SYNE2: variants seen among roughly 807,000 people sequenced by gnomAD.
The protein encoded by SYNE2 is nesprin-2.
SYNE2 carries 431 observed loss-of-function variants against 856.3 expected under a neutral mutation model. That is an observed-to-expected ratio of 0.50 (90% CI 0.47 to 0.55). SYNE2 has a LOEUF of 0.55. Ranked by LOEUF, SYNE2 falls within the 20% of genes least tolerant of loss-of-function variation. SYNE2 has a pLI of 0.00. For synonymous variants in SYNE2, 2,923 were observed against 2,872.3 expected, an observed-to-expected ratio of 1.02 and a Z score of -0.56; for missense variants, 8,129 against 8,023.2, an observed-to-expected ratio of 1.01 and a Z score of -0.50.
intron 88 of SYNE2, chr14:64,162,569 TA>T: frequency 2.3e-6 from 1 of 438,948 alleles, no homozygotes; most frequent in Non-Finnish European, 4.3e-6. Flanking sequence ...AAATCTGAAG[TA>T]AAAGCAAGTG....
In SYNE2 at chr14:64,090,310, TAAATG is replaced by T. The variant is rs1269850442; in HGVS notation, c.11794-549_11794-545del. On this transcript the variant is annotated intron_variant, in intron 59 of 115. Coordinates refer to ENST00000555002, the MANE Select transcript of SYNE2 (RefSeq NM_182914.3). ...TTACCTCTCGAGGGGTTGTGAGGAT[TAAATG>T]AAATGATATTATATGAGATATGACT... Among the ~76,000 whole-genome samples, 5 of 152,198 alleles carry T rather than the reference TAAATG, an allele frequency of 3.3e-5. No individual in the cohort carries two copies. In the East Asian group the frequency reaches 9.6e-4, roughly 29 times the overall value.
chr14:64,138,946 G>GGTGTGTGTGTGTGT (rs150016027), intron 79 of SYNE2, among the ~76,000 whole-genome samples: 39 of 137,786 alleles, frequency 2.8e-4, no homozygotes, highest in African/African-American at 8.1e-4. Context: ...GTGTATGTAT[G>GGTGTGTGTGTGTGT]GTGTGTGTGT....
In SYNE2 at chr14:63,941,695, C is replaced by T. The variant is rs794727659; in HGVS notation, c.142C>T (p.His48Tyr). The T allele has an allele frequency of 1.2e-6, 2 of 1,613,520 alleles. No homozygotes were observed. The highest frequency in any genetic ancestry group is 1.7e-6 in the Non-Finnish European group (2 of 1,179,480). Residue 48 changes from histidine (H) to tyrosine (Y), a missense_variant and splice_region_variant, in exon 4 of 116, where the codon CAC (histidine) becomes TAC (tyrosine). Physicochemically the swap from His to Tyr is moderately conservative, Grantham distance 83 (BLOSUM62 2). Coordinates refer to ENST00000555002, the MANE Select transcript of SYNE2 (RefSeq NM_182914.3). Reference protein sequence around the residue: ...TCWINSQLARHTSPSVISDLF... With the variant: ...TCWINSQLARYTSPSVISDLF... ...TTATTTTTCTTGTGACCTTCTGCAG[C>T]ACACTTCTCCCTCAGTTATATCCGA...
chr14:64,122,326 A>G lies in SYNE2; in HGVS notation c.13321A>G (p.Ile4441Val), dbSNP rs752657081. ...CCCTGAAAATGACGTTCCAGACTCG[A>G]TCTTGTCACCCCAGGGCCAAAATGG... ...SSPENDVPDSILSPQGQNGDK... is the reference protein window; with the variant it reads ...SSPENDVPDSVLSPQGQNGDK... The change falls in exon 70 of 116, where the codon ATC becomes GTC. Residue 4441 changes from isoleucine to valine, a missense_variant. Physicochemically the swap from Ile to Val is conservative, Grantham distance 29. Around this residue, in one of 3 missense-constraint regions of SYNE2, gnomAD observed 5,410 missense variants for 5,284.8 expected, o/e 1.02. Coordinates refer to ENST00000555002, the MANE Select transcript of SYNE2 (RefSeq NM_182914.3). 12 of 1,614,098 alleles carry G rather than the reference A, an allele frequency of 7.4e-6. No homozygotes were observed. The highest frequency in any genetic ancestry group is 1.3e-5 in the African/African-American group (1 of 74,934).
At chr14:63,848,032 G>A (rs1249048338), upstream of SYNE2, among the ~76,000 whole-genome samples, 20 of 151,974 alleles carry the variant, frequency 1.3e-4, no homozygotes, top group African/African-American at 3.4e-4. Flanking sequence ...GATTACAGGC[G>A]CTCACCACCA....
chr14:64,062,919 G>A (rs1417173545), intron 50 of SYNE2, 24 bp downstream of exon 50: 5 of 1,613,858 alleles, frequency 3.1e-6, no homozygotes, highest in Non-Finnish European at 3.4e-6. Context: ...CAATTAGCCA[G>A]TAAGTCTGTG....
chr14:64,110,588 A>ACTC (rs1292783339), intron 65 of SYNE2, among the ~76,000 whole-genome samples: 1 of 75,390 alleles, frequency 1.3e-5, no homozygotes, highest in Non-Finnish European at 2.4e-5. Flanking sequence ...TACTTTTTAC[A>ACTC]CCCCCCCCCC....
At chr14:64,167,081 C>G (rs1199585365) in intron 90 of SYNE2, 152 bp from the exon 91 acceptor site, 1 of 890,846 alleles carries the variant, frequency 1.1e-6, no homozygotes, top group East Asian at 2.6e-5. Context: ...AATTCAGGTC[C>G]CACTCTAACA....
At chr14:64,075,502 TG>T (rs1175927034) in intron 53 of SYNE2, 3 of 214,298 alleles carry the variant, frequency 1.4e-5, no homozygotes, top group African/African-American at 7.1e-5. Context: ...GCTCCAAGTG[TG>T]GGGCTTTTAG....
In SYNE2 at chr14:64,051,994, G is replaced by A. The variant is rs1190863557; in HGVS notation, c.8081G>A (p.Trp2694Ter). ...GCTGAACTTCAGATGAAGAGGATTT[G>A]GGGAGAAAAAGAAAAGAAGAATTTG... ...GQAELQMKRI[W>*]GEKEKKNLED... Residue 2694 changes from tryptophan to a stop codon, truncating the protein, a stop_gained, in exon 48 of 116, where the codon TGG (tryptophan) becomes TAG (stop). Coordinates refer to ENST00000555002, the MANE Select transcript of SYNE2 (RefSeq NM_182914.3). LOFTEE classifies it high-confidence loss of function. 1 of 1,613,734 alleles carries A rather than the reference G, an allele frequency of 6.2e-7. No individual in the cohort carries two copies. Among genetic ancestry groups the A allele is most frequent in the Non-Finnish European group, 8.5e-7 (1 of 1,179,974 alleles).
rs2097512796 is a variant in SYNE2, at chr14:64,080,614, G to A, written c.11322G>A (p.Glu3774=). The A allele has an allele frequency of 6.2e-7, 1 of 1,614,042 alleles. No individual in the cohort carries two copies. Among genetic ancestry groups the A allele is most frequent in the Non-Finnish European group, 8.5e-7 (1 of 1,180,030 alleles). ...ATCAGCAAGTATCACAGAGAGCAGA[G>A]TGTAGAACCTCACAGTTGAATAAGG... ...QQYQQVSQRA[E]CRTSQLNKAT... is the part of the protein sequence containing the mutation. The change falls in exon 56 of 116, where the codon GAG becomes GAA. Residue 3774 remains glutamate, a synonymous_variant. Transcript: ENST00000555002.
intron 63 of SYNE2, among the ~76,000 whole-genome samples, chr14:64,101,089 G>T (rs2097725207): frequency 6.6e-6 from 1 of 152,120 alleles, no homozygotes; most frequent in South Asian, 2.1e-4. Flanking sequence ...TATCTTGGTT[G>T]TTGTGAACAG....
intron 84 of SYNE2, among the ~76,000 whole-genome samples, chr14:64,149,970 C>T (rs1259386519): frequency 2.1e-5 from 3 of 142,810 alleles, no homozygotes; most frequent in Admixed American, 7.0e-5. Context: ...TGTGGTTGTT[C>T]GTGTGCTGCT....
At chr14:63,948,166 TACACACACACACACACACACACACACAC>T (rs59063086) in intron 6 of SYNE2, among the ~76,000 whole-genome samples, 1 of 147,252 alleles carries the variant, frequency 6.8e-6, no homozygotes. Flanking sequence ...GACACACACA[TACACACACACACACACACACACACACAC>T]ACACTCCTGC....
chr14:63,893,658 A>G (rs2095187332), intron 1 of SYNE2, among the ~76,000 whole-genome samples: 1 of 152,210 alleles, frequency 6.6e-6, no homozygotes, highest in Admixed American at 6.5e-5. Flanking sequence ...TAGCAACTAT[A>G]TGGCATACAC....
chr14:64,194,286 C>T, intron 99 of SYNE2, among the ~76,000 whole-genome samples: 1 of 96,160 alleles, frequency 1.0e-5, no homozygotes, highest in East Asian at 3.5e-4. Flanking sequence ...GCCCCTCTCC[C>T]TCCTCTTTTC....
intron 1 of SYNE2, among the ~76,000 whole-genome samples, chr14:63,882,663 G>A (rs958549955): frequency 2.0e-5 from 3 of 152,046 alleles, no homozygotes; most frequent in African/African-American, 7.2e-5. Flanking sequence ...ATATGATGGT[G>A]CCACTGCACT....
intron 1 of SYNE2, among the ~76,000 whole-genome samples, chr14:63,799,007 G>T (rs1888030691): frequency 6.6e-6 from 1 of 152,152 alleles, no homozygotes; most frequent in Non-Finnish European, 1.5e-5. Context: ...AAATATAGAT[G>T]CTGGAAACCT....
chr14:63,924,765 G>T (rs1212070588), intron 2 of SYNE2, among the ~76,000 whole-genome samples: 1 of 144,998 alleles, frequency 6.9e-6, no homozygotes, highest in Non-Finnish European at 1.5e-5. Context: ...GATACAGTAG[G>T]ATATTCTGCA....
Sources: gnomAD v4.1 joint callset for allele counts (sites outside exome capture counted in the v4.1 genomes callset) on GRCh38, gnomAD v4.1.1 for gene constraint, gnomAD v4.1.1 regional missense constraint, MANE v1.5 for transcripts, NCBI Gene and HGNC (gene_info 2026-07-23, HGNC 2026-07-21) for gene names.